Variants in AARS1 observed in about 807,000 individuals in gnomAD.
AARS1 encodes the protein alanyl-tRNA synthetase 1, also known as alanine--tRNA ligase, cytoplasmic.
AARS1 carries 72 observed loss-of-function variants against 108.9 expected under a neutral mutation model. The ratio of observed to expected loss-of-function variants is 0.66; its 90% CI spans 0.55 to 0.80. The LOEUF is 0.80. Among genes scored for constraint, AARS1 ranks in the 30% least tolerant of loss-of-function variants. The pLI is 0.00. For missense variants in AARS1, 1,193 were observed against 1,233.2 expected, an observed-to-expected ratio of 0.97 and a Z score of 0.49; for synonymous variants, 489 against 465.7, an observed-to-expected ratio of 1.05 and a Z score of -0.64.
chr16:70,253,209 A>G (rs1597432288), intron 20 of AARS1, 59 bp downstream of exon 20: 3 of 1,388,058 alleles, frequency 2.2e-6, no homozygotes, highest in East Asian at 4.6e-5. Flanking sequence ...GTACACACAC[A>G]GGCCTCAGCC....
chr16:70,258,951 G>T (rs373852619), intron 14 of AARS1, 29 bp downstream of exon 14: 33 of 1,602,626 alleles, frequency 2.1e-5, no homozygotes, highest in South Asian at 5.5e-5. Context: ...GTGTGGGGAG[G>T]GGGGGCATTC....
rs1252592215 is a variant in AARS1, at chr16:70,282,135, G to C, written c.144+485C>G. ...CCACTGCACTCCAGCCTGGGCGACA[G>C]AGCAAGACTCCGTCTCAAAAAAAAA... On this transcript the variant is annotated intron_variant, in intron 2 of 20. Coordinates refer to ENST00000261772, the MANE Select transcript of AARS1 (RefSeq NM_001605.3). Among the ~76,000 whole-genome samples, 6 of 151,550 alleles carry C rather than the reference G, an allele frequency of 4.0e-5. No individual in the cohort carries two copies. In the East Asian group the frequency reaches 9.7e-4, roughly 25 times the overall value.
intron 8 of AARS1, 85 bp downstream of exon 8, chr16:70,268,186 G>T (rs1253216488): frequency 1.4e-5 from 18 of 1,276,956 alleles, no homozygotes; most frequent in Non-Finnish European, 1.8e-5. Flanking sequence ...GCAACAAAAA[G>T]CTGCTTAACA....
intron 2 of AARS1, among the ~76,000 whole-genome samples, chr16:70,280,260 A>T (rs1371890970): frequency 6.6e-6 from 1 of 151,968 alleles, no homozygotes; most frequent in Non-Finnish European, 1.5e-5. Context: ...TCTGTTGCCC[A>T]GGCTGGAGTG....
intron 8 of AARS1, among the ~76,000 whole-genome samples, 186 bp from the exon 9 acceptor site, chr16:70,267,995 C>A (rs1036072988): frequency 6.6e-6 from 1 of 152,194 alleles, no homozygotes; most frequent in Non-Finnish European, 1.5e-5. Flanking sequence ...CGGTGAAACC[C>A]TGTCTCTACT....
At chr16:70,278,375 G>A (rs906819374) in intron 2 of AARS1, among the ~76,000 whole-genome samples, 1 of 151,910 alleles carries the variant, frequency 6.6e-6, no homozygotes, top group Non-Finnish European at 1.5e-5. Flanking sequence ...AGACCAGCCT[G>A]ACCAACATGG....
chr16:70,259,486 G>A (rs1169576788), intron 13 of AARS1, among the ~76,000 whole-genome samples: 1 of 152,074 alleles, frequency 6.6e-6, no homozygotes, highest in Non-Finnish European at 1.5e-5. Flanking sequence ...CCTGTCATCT[G>A]TCTTTTCATT....
At chr16:70,262,862 G>A (rs1243194673) in intron 11 of AARS1, among the ~76,000 whole-genome samples, 2 of 149,252 alleles carry the variant, frequency 1.3e-5, no homozygotes, top group Non-Finnish European at 3.0e-5. Flanking sequence ...CAGCTACTCA[G>A]GAGGCTGAGG....
At chr16:70,275,564 C>T (rs1027138232) in intron 4 of AARS1, among the ~76,000 whole-genome samples, 1 of 151,856 alleles carries the variant, frequency 6.6e-6, no homozygotes, top group Non-Finnish European at 1.5e-5. Flanking sequence ...AGATCGAGAC[C>T]ACCCTGGCTA....
rs778751578 is a variant in AARS1, at chr16:70,254,612, C to T, written c.2400+9G>A. 36 of 1,602,314 alleles carry T rather than the reference C, an allele frequency of 2.2e-5. No individual in the cohort carries two copies. The highest frequency in any genetic ancestry group is 2.8e-5 in the Non-Finnish European group (33 of 1,169,424). ...GCCCTGAGGACGGAGGGAGGGAAGC[C>T]GCCCCTACCTCTCCAAGGTCAGCGA... is the stretch of plus-strand genomic sequence containing the variant. On this transcript the variant is annotated intron_variant, in intron 17 of 20. Coordinates refer to ENST00000261772, the MANE Select transcript of AARS1 (RefSeq NM_001605.3).
At chr16:70,288,310 C>T (rs984830492) in intron 1 of AARS1, among the ~76,000 whole-genome samples, 2 of 150,184 alleles carry the variant, frequency 1.3e-5, no homozygotes, top group African/African-American at 4.9e-5. Context: ...GGGGTTTCAC[C>T]GTGTTAGCCA....
At chr16:70,259,770 T>C (rs556132295) in intron 13 of AARS1, among the ~76,000 whole-genome samples, 196 of 150,900 alleles carry the variant, frequency 1.3e-3, no homozygotes, top group Non-Finnish European at 1.7e-3. Flanking sequence ...TATAAATTTT[T>C]ATAAACAGTT....
In AARS1 at chr16:70,264,981, TG is replaced by T. The variant is rs1441323682; in HGVS notation, c.1468del (p.His490IlefsTer17). ...VTDDSPKYNY[H>X]LDSSGSYVFE... ...ACCATAGCTACCACTGGAGTCCAAA[TG>T]GTAATTGTACTTTGGGGAATCATCT... On this transcript the variant is annotated frameshift_variant, in exon 11 of 21. Transcript: ENST00000261772. LOFTEE classifies it high-confidence loss of function. The T allele has an allele frequency of 6.2e-7, 1 of 1,613,962 alleles. No homozygotes were observed. The highest frequency in any genetic ancestry group is 8.5e-7 in the Non-Finnish European group (1 of 1,180,008).
intron 2 of AARS1, among the ~76,000 whole-genome samples, chr16:70,280,241 G>C (rs1409609847): frequency 6.6e-6 from 1 of 152,022 alleles, no homozygotes; most frequent in East Asian, 1.9e-4. Context: ...TTTTGAGACG[G>C]AGTCTCACTC....
At chr16:70,276,852 G>C (rs1960564285) in intron 3 of AARS1, 114 bp downstream of exon 3, 2 of 1,306,402 alleles carry the variant, frequency 1.5e-6, no homozygotes, top group Admixed American at 1.9e-5. Flanking sequence ...ATTCATTCCT[G>C]AATCACCTAG....
chr16:70,265,793 C>T, intron 9 of AARS1, 131 bp from the exon 10 acceptor site: 1 of 904,048 alleles, frequency 1.1e-6, no homozygotes, highest in Non-Finnish European at 1.6e-6. Context: ...CCTGTGTGCC[C>T]ATCAGAAAAT....
rs756524514 is a variant in AARS1 at position 70,258,077 on chromosome 16, A to G, written c.2133T>C (p.Ser711=). The change falls in exon 15 of 21, where the codon TCT becomes TCC. Residue 711 remains serine, a synonymous_variant. Transcript: ENST00000261772. ...VPVSELLDDP[S]GPAGSLTSVE... ...CAGAAGTCAGGGAGCCAGCAGGCCC[A>G]GAGGGGTCATCCAGCAACTCGGACA... is the stretch of plus-strand genomic sequence containing the variant. 2 of 1,614,178 alleles carry G rather than the reference A, an allele frequency of 1.2e-6. No individual in the cohort carries two copies. Among genetic ancestry groups the G allele is most frequent in the Non-Finnish European group, 1.7e-6 (2 of 1,180,036 alleles).
chr16:70,282,805 G>C, intron 1 of AARS1, 21 bp from the exon 2 acceptor site: 1 of 1,606,974 alleles, frequency 6.2e-7, no homozygotes. Flanking sequence ...AAAAAAAAAT[G>C]AAGGAAAATT....
At position 70,254,619 on chromosome 16, in the gene AARS1, A is replaced by C; in HGVS notation, c.2400+2T>G. 1 of 1,607,252 alleles carries C rather than the reference A, an allele frequency of 6.2e-7. No homozygotes were observed. Among genetic ancestry groups the C allele is most frequent in the Non-Finnish European group, 8.5e-7 (1 of 1,174,004 alleles). ...GGACGGAGGGAGGGAAGCCGCCCCT[A>C]CCTCTCCAAGGTCAGCGATCTCCCT... On this transcript the variant is annotated splice_donor_variant, in intron 17 of 20. Transcript: ENST00000261772. LOFTEE classifies it high-confidence loss of function.
Sources: gnomAD v4.1 joint callset for allele counts (sites outside exome capture counted in the v4.1 genomes callset) on GRCh38, gnomAD v4.1.1 for gene constraint, MANE v1.5 for transcripts, NCBI Gene and HGNC (gene_info 2026-07-23, HGNC 2026-07-21) for gene names.